The following ZNF124 variants were observed in gnomAD, a reference collection of about 807,000 sequenced individuals.
ZNF124 encodes the protein zinc finger protein HZF-16.
In ZNF124, 25 loss-of-function variants were observed where a neutral mutation model predicts 26.6. The ratio of observed to expected loss-of-function variants is 0.94; its 90% confidence interval spans 0.68 to 1.31. The LOEUF (loss-of-function observed/expected upper bound fraction) is 1.31, where lower values mean the gene tolerates loss of function less well. Ranked by LOEUF, ZNF124 falls within the 40% of genes most tolerant of loss-of-function variation. The pLI is 0.00. For missense variants in ZNF124, 444 were observed against 422.2 expected (o/e 1.05, Z -0.45); for synonymous variants, 129 against 133.3 (o/e 0.97, Z 0.22).
intron 1 of ZNF124, among the ~76,000 whole-genome samples, chr1:247,167,874 T>A (rs1358923432): frequency 3.3e-5 from 5 of 151,576 alleles, no homozygotes; most frequent in Non-Finnish European, 5.9e-5. Context: ...CAAGAAAAAA[T>A]TCCATCAAAA....
At chr1:247,139,851 G>A (rs1007587912) in intron 3 of ZNF124, among the ~76,000 whole-genome samples, 1 of 152,208 alleles carries the variant, frequency 6.6e-6, no homozygotes, top group African/African-American at 2.4e-5. Context: ...TAGGGTTTCA[G>A]CTGAGAGGTC....
intron 3 of ZNF124, among the ~76,000 whole-genome samples, chr1:247,125,428 G>GTTTTT (rs1672185674): frequency 7.8e-5 from 3 of 38,386 alleles, no homozygotes; most frequent in Non-Finnish European, 1.1e-4. Context: ...ACCTGTTTTT[G>GTTTTT]TCTTTTTTTT....
chr1:247,142,337 G>C (rs1159429829), intron 3 of ZNF124, among the ~76,000 whole-genome samples: 10 of 152,172 alleles, frequency 6.6e-5, no homozygotes, highest in Non-Finnish European at 1.5e-5. Flanking sequence ...TACTGAAAAT[G>C]GTAAACCCAG....
intron 3 of ZNF124, among the ~76,000 whole-genome samples, chr1:247,137,233 G>C (rs920809001): frequency 6.6e-6 from 1 of 151,576 alleles, no homozygotes; most frequent in African/African-American, 2.4e-5. Context: ...ATGGTGCTAG[G>C]AAAACTAGCC....
chr1:247,170,628 C>T (rs775828286), intron 1 of ZNF124, among the ~76,000 whole-genome samples: 2 of 143,730 alleles, frequency 1.4e-5, no homozygotes, highest in Non-Finnish European at 3.0e-5. Flanking sequence ...ACTCACGTCT[C>T]CAAAAACCCA....
chr1:247,164,002 A>C (rs1336439754), intron 1 of ZNF124, among the ~76,000 whole-genome samples: 2 of 152,248 alleles, frequency 1.3e-5, no homozygotes, highest in African/African-American at 4.8e-5. Flanking sequence ...CAAGTCAATA[A>C]ATGTGATTCA....
intron 3 of ZNF124, among the ~76,000 whole-genome samples, chr1:247,136,313 A>C (rs6682107): frequency 0.028 from 4,299 of 152,282 alleles, 216 homozygotes; most frequent in African/African-American, 0.098. Flanking sequence ...CAGGATACAA[A>C]ATCCCTGTGC....
intron 3 of ZNF124, among the ~76,000 whole-genome samples, chr1:247,135,672 C>T (rs1455938749): frequency 6.6e-6 from 1 of 152,176 alleles, no homozygotes; most frequent in East Asian, 1.9e-4. Flanking sequence ...CTCCCTAACT[C>T]GTTTTATAAG....
chr1:247,154,608 A>G (rs1004480396), downstream of ZNF124, among the ~76,000 whole-genome samples: 1 of 152,104 alleles, frequency 6.6e-6, no homozygotes, highest in African/African-American at 2.4e-5. Flanking sequence ...GTCTCAAAAG[A>G]TGCTACAAAA....
At chr1:247,142,293 C>T (rs1672648920) in intron 3 of ZNF124, among the ~76,000 whole-genome samples, 1 of 152,126 alleles carries the variant, frequency 6.6e-6, no homozygotes, top group African/African-American at 2.4e-5. Flanking sequence ...ATAACAGAAC[C>T]TGTGGTGGTT....
In ZNF124 at chr1:247,148,652, C is replaced by T. The variant is rs115071056; in HGVS notation, c.218+10354G>A. ...TAGATTTTGATCACAGCTGAGGAATCTCAAGGTTAAGAAATCCCAGTGCTT... is the reference window on the plus strand; with the variant it reads ...TAGATTTTGATCACAGCTGAGGAATTTCAAGGTTAAGAAATCCCAGTGCTT... On this transcript the variant is annotated intron_variant, in intron 3 of 3. Coordinates refer to the ZNF124 transcript ENST00000472531. Among the ~76,000 whole-genome samples, 433 of 152,254 alleles carry T rather than the reference C, an allele frequency of 2.8e-3. 6 individuals are homozygous for T. The highest frequency in any genetic ancestry group is 9.9e-3 in the African/African-American group (413 of 41,546).
chr1:247,153,120 G>C (rs781220022), downstream of ZNF124, among the ~76,000 whole-genome samples: 1 of 149,224 alleles, frequency 6.7e-6, no homozygotes, highest in Non-Finnish European at 1.5e-5. Context: ...GCAACAGAGT[G>C]AGACTCCATC....
chr1:247,169,090 T>G (rs1673946501), intron 1 of ZNF124, among the ~76,000 whole-genome samples: 1 of 151,904 alleles, frequency 6.6e-6, no homozygotes, highest in Non-Finnish European at 1.5e-5. Context: ...TTTCTTTGCC[T>G]CTTTGTAAAT....
At chr1:247,123,928 C>A in intron 3 of ZNF124, 1 of 701,904 alleles carries the variant, frequency 1.4e-6, no homozygotes, top group South Asian at 1.5e-5. Flanking sequence ...TCATCCCTTC[C>A]TGTATTTATG....
rs934270235 is a variant in ZNF124 at position 247,167,811 on chromosome 1, CTA to C, written c.30+4035_30+4036del. Among the ~76,000 whole-genome samples the C allele has an allele frequency of 2.7e-4, 41 of 152,176 alleles. 2 individuals are homozygous for C. Among genetic ancestry groups the C allele is most frequent in the Non-Finnish European group, 7.3e-5 (5 of 68,034 alleles). The stretch of plus-strand genomic sequence containing the variant: ...CAGAGTGGGAGAAAATCTTCACCAA[CTA>C]TGCATCCTACAAAGGACTAATATCC... On this transcript the variant is annotated intron_variant, in intron 1 of 3. Coordinates refer to ENST00000543802, the MANE Select transcript of ZNF124 (RefSeq NM_001297568.2).
downstream of ZNF124, among the ~76,000 whole-genome samples, chr1:247,150,929 C>T (rs1032815416): frequency 6.6e-6 from 1 of 151,382 alleles, no homozygotes; most frequent in Admixed American, 6.6e-5. Flanking sequence ...TATTAAAATA[C>T]AGAAAGAGAG....
In ZNF124 at chr1:247,155,375, T is replaced by A. The variant is rs998236381; in HGVS notation, c.*1191A>T. 4.0e-5 allele frequency among the ~76,000 whole-genome samples: 6 copies of A among 151,240 alleles called. No homozygotes were observed. Among genetic ancestry groups the A allele is most frequent in the Admixed American group, 3.3e-4 (5 of 15,260 alleles). On this transcript the variant is annotated 3_prime_UTR_variant, in exon 4 of 4. Transcript: ENST00000543802. ...CAAAATTTTTAAAAAATTTTAAAAA[T>A]ATTTTATACTTTAAATATTTAAAAA...
intron 3 of ZNF124, among the ~76,000 whole-genome samples, chr1:247,136,676 G>A (rs1235901567): frequency 6.6e-6 from 1 of 152,176 alleles, no homozygotes; most frequent in African/African-American, 2.4e-5. Flanking sequence ...GCCAGGCACA[G>A]TGGCTCATGC....
chr1:247,161,081 G>T (rs1673452441), intron 1 of ZNF124, among the ~76,000 whole-genome samples: 1 of 152,164 alleles, frequency 6.6e-6, no homozygotes, highest in Admixed American at 6.5e-5. Flanking sequence ...CAGTTCAGCA[G>T]AAACTACTTT....
Sources: gnomAD v4.1 joint callset for allele counts (sites outside exome capture counted in the v4.1 genomes callset) on GRCh38, gnomAD v4.1.1 for gene constraint, MANE v1.5 for transcripts, NCBI Gene and HGNC (gene_info 2026-07-23, HGNC 2026-07-21) for gene names.